Variants in FAM169A observed in about 807,000 individuals in gnomAD.
FAM169A encodes the protein soluble lamin-associated protein of 75 kDa.
A neutral mutation model predicts 75.7 loss-of-function variants in FAM169A; 24 were observed. The ratio of observed to expected loss-of-function variants is 0.32; its 90% CI spans 0.23 to 0.45. The LOEUF is 0.45. Ranked by LOEUF, FAM169A falls within the 20% of genes least tolerant of loss-of-function variation. FAM169A has a pLI of 1.00. For synonymous variants in FAM169A, 271 were observed against 271.0 expected (o/e 1.00, Z 0.00); for missense variants, 673 against 784.0 (o/e 0.86, Z 1.69).
intron 4 of FAM169A, among the ~76,000 whole-genome samples, chr5:74,837,006 T>C (rs750549212): frequency 6.6e-6 from 1 of 151,842 alleles, no homozygotes; most frequent in Admixed American, 6.6e-5. Flanking sequence ...AGAGTCCACA[T>C]AGTTGTAGTC....
intron 1 of FAM169A, chr5:74,865,482 A>G (rs1750272243): frequency 6.6e-6 from 1 of 152,182 alleles, no homozygotes; most frequent in Non-Finnish European, 1.5e-5. Flanking sequence ...AAGGACAGTC[A>G]TGGGAGTCAG....
chr5:74,817,819 G>A (rs893345748), intron 5 of FAM169A, among the ~76,000 whole-genome samples: 8 of 152,100 alleles, frequency 5.3e-5, no homozygotes, highest in African/African-American at 1.4e-4. Flanking sequence ...TACACAGATC[G>A]AAGAAATAGA....
chr5:74,815,947 G>A (rs1244998014), intron 5 of FAM169A, among the ~76,000 whole-genome samples: 1 of 152,150 alleles, frequency 6.6e-6, no homozygotes, highest in East Asian at 1.9e-4. Flanking sequence ...CATAAAAATG[G>A]GCAACCAGCA....
At position 74,832,617 on chromosome 5, in the gene FAM169A, C is replaced by T. The variant is rs144737055; in HGVS notation, c.490+1809G>A. ...TGAAATATGTTTATATAAATACATA[C>T]GTTGTATGTTTATATACTTTATATA... On this transcript the variant is annotated intron_variant, in intron 5 of 12. Coordinates refer to ENST00000687041, the MANE Select transcript of FAM169A (RefSeq NM_001376049.1). Among the ~76,000 whole-genome samples the T allele has an allele frequency of 2.1e-3, 307 of 148,862 alleles. 1 individual carries two copies. The highest frequency in any genetic ancestry group is 7.4e-3 in the Middle Eastern group (2 of 270).
chr5:74,784,510 C>CAAAAAAAAA lies in FAM169A; in HGVS notation c.1261-1385_1261-1377dup, dbSNP rs200414695. 1.3e-3 allele frequency among the ~76,000 whole-genome samples: 38 copies of CAAAAAAAAA among 29,862 alleles called. 8 individuals carry two copies. Among genetic ancestry groups the CAAAAAAAAA allele is most frequent in the African/African-American group, 7.6e-3 (37 of 4,894 alleles). 19.6% of individuals were successfully genotyped at this position (29,862 alleles called of 152,430 possible). A position where few individuals can be genotyped will look rare whatever the true frequency, so the allele number is the denominator to read the frequency against. On this transcript the variant is annotated intron_variant, in intron 11 of 12. Transcript: ENST00000687041. ...AGGGAGACAGAGCAAGACTCCGTCT[C>CAAAAAAAAA]AAAAAAAAAAAAAAAAAAACAAGAA... is the stretch of plus-strand genomic sequence containing the variant.
At chr5:74,854,742 A>G (rs1490026994) in intron 1 of FAM169A, among the ~76,000 whole-genome samples, 1 of 152,212 alleles carries the variant, frequency 6.6e-6, no homozygotes, top group Admixed American at 6.5e-5. Flanking sequence ...TTTACTTAAC[A>G]TAATGATCTC....
intron 1 of FAM169A, among the ~76,000 whole-genome samples, chr5:74,850,427 T>C (rs1480485884): frequency 1.3e-5 from 2 of 152,212 alleles, no homozygotes; most frequent in Admixed American, 1.3e-4. Flanking sequence ...AAAATACTCC[T>C]AGATAAGAAA....
chr5:74,828,964 C>T (rs56202905), intron 5 of FAM169A, among the ~76,000 whole-genome samples: 39,873 of 151,980 alleles, frequency 0.26, 5,915 homozygotes, highest in African/African-American at 0.4. Context: ...ATTTTCACTA[C>T]AAAATTCTGA....
At chr5:74,862,494 T>C (rs1185665545) in intron 1 of FAM169A, among the ~76,000 whole-genome samples, 1 of 152,228 alleles carries the variant, frequency 6.6e-6, no homozygotes, top group Non-Finnish European at 1.5e-5. Flanking sequence ...ACTGCCTCTG[T>C]AAAGCCCTTC....
intron 5 of FAM169A, among the ~76,000 whole-genome samples, chr5:74,823,852 C>T (rs1277735821): frequency 2.0e-5 from 3 of 152,190 alleles, no homozygotes; most frequent in African/African-American, 7.2e-5. Context: ...ACAAAAAATT[C>T]AGCTGGGTTT....
At chr5:74,810,045 C>T (rs1223692214) in intron 6 of FAM169A, among the ~76,000 whole-genome samples, 1 of 152,076 alleles carries the variant, frequency 6.6e-6, no homozygotes, top group Non-Finnish European at 1.5e-5. Flanking sequence ...CAGCTTTATT[C>T]ATAATAGCCA....
Position 74,866,351 on chromosome 5 carries a change from C to T in FAM169A, c.-190G>A. On this transcript the variant is annotated 5_prime_UTR_variant, in exon 1 of 13. Coordinates refer to ENST00000687041, the MANE Select transcript of FAM169A (RefSeq NM_001376049.1). ...CGCCCGGCTCCTCGTCGCGGGTCGGCCGCGGCCCACCGTGCCCTCCGACGA... is the reference window on the plus strand; with the variant it reads ...CGCCCGGCTCCTCGTCGCGGGTCGGTCGCGGCCCACCGTGCCCTCCGACGA... The T allele has an allele frequency of 1.0e-6, 1 of 984,526 alleles. No individual in the cohort carries two copies. Among genetic ancestry groups the T allele is most frequent in the Non-Finnish European group, 1.2e-6 (1 of 829,650 alleles). 61.0% of individuals were successfully genotyped at this position (984,526 alleles called of 1,614,324 possible). A position where few individuals can be genotyped will look rare whatever the true frequency, so the allele number is the denominator to read the frequency against.
chr5:74,829,927 C>T (rs1337836389), intron 5 of FAM169A, among the ~76,000 whole-genome samples: 1 of 151,902 alleles, frequency 6.6e-6, no homozygotes, highest in East Asian at 1.9e-4. Flanking sequence ...TAGCCGAGGT[C>T]GTGCCACTGT....
At chr5:74,805,450 A>G (rs1746816256) in intron 6 of FAM169A, among the ~76,000 whole-genome samples, 166 bp from the exon 7 acceptor site, 1 of 127,596 alleles carries the variant, frequency 7.8e-6, no homozygotes, top group South Asian at 2.7e-4. Context: ...TTATAAATAA[A>G]AATTCTAAAT....
rs1745229519 is a variant in FAM169A, at chr5:74,778,410, T to C, written c.*3050A>G. ...AGATATTAGTACAGGCTCAATTTGA[T>C]GCAATCATAAACCTTCAAGATTTCT... On this transcript the variant is annotated 3_prime_UTR_variant, in exon 13 of 13. Transcript: ENST00000687041. 1 of 152,058 alleles carries C rather than the reference T, an allele frequency of 6.6e-6. No homozygotes were observed. The highest frequency in any genetic ancestry group is 1.5e-5 in the Non-Finnish European group (1 of 67,902). The allele number at this position is 152,058 out of a possible 1,614,324, so 9.4% of individuals were successfully genotyped here.
intron 11 of FAM169A, among the ~76,000 whole-genome samples, chr5:74,792,402 A>C (rs1746021179): frequency 6.6e-6 from 1 of 152,218 alleles, no homozygotes; most frequent in Non-Finnish European, 1.5e-5. Flanking sequence ...GCAGAAGAAC[A>C]TGGAGAGATT....
intron 6 of FAM169A, among the ~76,000 whole-genome samples, chr5:74,807,978 C>T (rs1746975175): frequency 6.6e-6 from 1 of 152,080 alleles, no homozygotes; most frequent in Non-Finnish European, 1.5e-5. Context: ...ATTAGCCGGC[C>T]ATGGTGGCTA....
At chr5:74,793,774 C>T (rs1208400026) in intron 11 of FAM169A, among the ~76,000 whole-genome samples, 4 of 151,448 alleles carry the variant, frequency 2.6e-5, no homozygotes, top group African/African-American at 7.3e-5. Context: ...AAGGCCAAGG[C>T]GGGCGGATCA....
At chr5:74,783,477 AC>A (rs1384780322) in intron 11 of FAM169A, among the ~76,000 whole-genome samples, 1 of 152,154 alleles carries the variant, frequency 6.6e-6, no homozygotes, top group Non-Finnish European at 1.5e-5. Flanking sequence ...CAGGGAAAGA[AC>A]TTTTTCAGGA....
Sources: allele counts gnomAD v4.1 joint callset (sites outside exome capture counted in the v4.1 genomes callset), GRCh38; gene constraint gnomAD v4.1.1; transcripts MANE v1.5; gene names NCBI Gene and HGNC (gene_info 2026-07-23, HGNC 2026-07-21).